Variants in DCLK1 observed in about 807,000 individuals in gnomAD.
DCLK1 encodes serine/threonine-protein kinase DCLK1.
Under a neutral mutation model 86.2 loss-of-function variants are expected in DCLK1, and 16 were observed. That is an observed-to-expected ratio of 0.19 (90% confidence interval 0.13 to 0.28). The LOEUF (loss-of-function observed/expected upper bound fraction) is 0.28, where lower values mean the gene tolerates loss of function less well. Ranked by LOEUF, DCLK1 falls within the 10% of genes least tolerant of loss-of-function variation. The probability of loss-of-function intolerance (pLI) is 1.00; values close to 1 mark genes in which losing one functional copy is unlikely to be tolerated. For synonymous variants in DCLK1, 369 were observed against 370.5 expected, an observed-to-expected ratio of 1.00 and a Z score of 0.05; for missense variants, 590 against 940.2, an observed-to-expected ratio of 0.63 and a Z score of 4.87.
intron 3 of DCLK1, among the ~76,000 whole-genome samples, chr13:36,008,298 G>C (rs1483254397): frequency 9.0e-6 from 1 of 110,800 alleles, no homozygotes. Flanking sequence ...ATGTATACAT[G>C]TGCCATGCTG....
intron 3 of DCLK1, among the ~76,000 whole-genome samples, chr13:35,953,296 C>A (rs1191078148): frequency 1.3e-5 from 2 of 152,060 alleles, no homozygotes; most frequent in Non-Finnish European, 2.9e-5. Flanking sequence ...CAAATGCAGG[C>A]TGTTAACTAC....
intron 4 of DCLK1, among the ~76,000 whole-genome samples, chr13:35,940,371 C>A (rs1877020234): frequency 6.6e-6 from 1 of 151,468 alleles, no homozygotes. Flanking sequence ...GAGCTTAGCA[C>A]ACTGCCTGGT....
intron 3 of DCLK1, among the ~76,000 whole-genome samples, chr13:36,109,293 G>A (rs1885525617): frequency 6.6e-6 from 1 of 152,188 alleles, no homozygotes; most frequent in Non-Finnish European, 1.5e-5. Flanking sequence ...GGAAAAAAAG[G>A]ACAGAGCAGA....
chr13:36,038,396 AC>A (rs1882583983), intron 3 of DCLK1, among the ~76,000 whole-genome samples: 1 of 152,216 alleles, frequency 6.6e-6, no homozygotes, highest in African/African-American at 2.4e-5. Context: ...AGAACCAAAT[AC>A]AGTAACAAGA....
At chr13:36,022,253 A>G (rs1209219344) in intron 3 of DCLK1, among the ~76,000 whole-genome samples, 2 of 152,092 alleles carry the variant, frequency 1.3e-5, no homozygotes, top group Non-Finnish European at 2.9e-5. Flanking sequence ...ACACAAGCTG[A>G]TAAGATGCAG....
intron 4 of DCLK1, among the ~76,000 whole-genome samples, chr13:35,912,770 A>T (rs183435081): frequency 2.0e-5 from 3 of 152,284 alleles, no homozygotes; most frequent in Admixed American, 1.3e-4. Flanking sequence ...CTTTGCCCTC[A>T]CTGGCAGAGG....
chr13:36,018,486 C>CATCCA (rs1452862508), intron 3 of DCLK1, among the ~76,000 whole-genome samples: 6 of 152,134 alleles, frequency 3.9e-5, no homozygotes, highest in African/African-American at 1.4e-4. Context: ...ATCTTTTAGT[C>CATCCA]ATCCTCAAAC....
intron 8 of DCLK1, among the ~76,000 whole-genome samples, chr13:35,833,284 C>T (rs1019839705): frequency 3.9e-5 from 6 of 152,064 alleles, no homozygotes; most frequent in Non-Finnish European, 2.9e-5. Flanking sequence ...ACCCTTGGCT[C>T]GTGTAGTTAT....
At chr13:36,101,547 A>G (rs1179915384) in intron 3 of DCLK1, among the ~76,000 whole-genome samples, 2 of 152,136 alleles carry the variant, frequency 1.3e-5, no homozygotes, top group Admixed American at 6.5e-5. Context: ...TGTTCCATTC[A>G]TACTCTTCAG....
At chr13:36,023,076 A>C (rs1881852436) in intron 3 of DCLK1, among the ~76,000 whole-genome samples, 1 of 152,232 alleles carries the variant, frequency 6.6e-6, no homozygotes, top group Non-Finnish European at 1.5e-5. Context: ...ATTTCCATGA[A>C]TGCAGGATTG....
chr13:36,051,319 T>C (rs895501095), intron 3 of DCLK1, among the ~76,000 whole-genome samples: 4 of 152,156 alleles, frequency 2.6e-5, no homozygotes, highest in African/African-American at 4.8e-5. Context: ...TGAAAAGGAC[T>C]GATGACTTCT....
chr13:36,058,923 T>A (rs962343211), intron 3 of DCLK1, among the ~76,000 whole-genome samples: 1 of 152,202 alleles, frequency 6.6e-6, no homozygotes, highest in Non-Finnish European at 1.5e-5. Context: ...TTAGTAATGA[T>A]CAGAATATCT....
intron 5 of DCLK1, among the ~76,000 whole-genome samples, chr13:35,856,169 G>GA (rs1249240569): frequency 5.9e-5 from 9 of 152,298 alleles, no homozygotes; most frequent in Admixed American, 3.9e-4. Context: ...AAAAAGCTAT[G>GA]AATTTTTGTT....
At position 35,967,062 on chromosome 13, in the gene DCLK1, C is replaced by T. The variant is rs369629189; in HGVS notation, c.724-19605G>A. Among the ~76,000 whole-genome samples the T allele has an allele frequency of 7.3e-3, 1,103 of 151,542 alleles. 9 individuals carry two copies. Among genetic ancestry groups the T allele is most frequent in the South Asian group, 0.024 (114 of 4,782 alleles). On this transcript the variant is annotated intron_variant, in intron 3 of 16. Transcript: ENST00000360631. ...GTCATCCCGTCTAGGAAGTGAGGAGCGTCTCTGCCCGGCCGCCCATCGTCT... is the reference window on the plus strand; with the variant it reads ...GTCATCCCGTCTAGGAAGTGAGGAGTGTCTCTGCCCGGCCGCCCATCGTCT...
At chr13:36,015,045 C>G (rs114759223) in intron 3 of DCLK1, among the ~76,000 whole-genome samples, 2 of 151,858 alleles carry the variant, frequency 1.3e-5, no homozygotes, top group Non-Finnish European at 1.5e-5. Flanking sequence ...TCCGCCCCCC[C>G]ACACAATTTT....
chr13:35,967,397 T>G (rs1159165654), intron 3 of DCLK1, among the ~76,000 whole-genome samples: 2 of 152,152 alleles, frequency 1.3e-5, no homozygotes, highest in Non-Finnish European at 2.9e-5. Context: ...GGGGGAAATG[T>G]GGGGAAAAGA....
intron 4 of DCLK1, among the ~76,000 whole-genome samples, chr13:35,897,885 C>CATTTTA (rs1205675007): frequency 2.0e-5 from 3 of 152,132 alleles, no homozygotes; most frequent in Non-Finnish European, 4.4e-5. Flanking sequence ...GTATCTTAAA[C>CATTTTA]ATTTTAATTT....
intron 15 of DCLK1, among the ~76,000 whole-genome samples, chr13:35,802,128 T>C (rs908983731): frequency 2.6e-5 from 4 of 152,080 alleles, no homozygotes; most frequent in Admixed American, 2.0e-4. Flanking sequence ...TGGCACACAG[T>C]GTCTCTCTGA....
chr13:35,926,530 A>G (rs1252769353), intron 4 of DCLK1, among the ~76,000 whole-genome samples: 1 of 152,146 alleles, frequency 6.6e-6, no homozygotes, highest in Admixed American at 6.5e-5. Flanking sequence ...TCTTCCTGGG[A>G]GTTTCACCAC....
Sources: allele counts gnomAD v4.1 joint callset (sites outside exome capture counted in the v4.1 genomes callset), GRCh38; gene constraint gnomAD v4.1.1; transcripts MANE v1.5; gene names NCBI Gene and HGNC (gene_info 2026-07-23, HGNC 2026-07-21).